Variants in CDH2 observed in about 807,000 individuals in gnomAD.
CDH2 encodes the protein cadherin 2, also known as cadherin-2.
Under a neutral mutation model 92.0 loss-of-function variants are expected in CDH2, and 17 were observed. The observed-to-expected ratio is 0.18, with a 90% confidence interval of 0.13 to 0.28. The LOEUF is 0.28. Among genes scored for constraint, CDH2 ranks in the 10% least tolerant of loss-of-function variants. The probability of loss-of-function intolerance (pLI) is 1.00; values close to 1 mark genes in which losing one functional copy is unlikely to be tolerated. For synonymous variants in CDH2, 419 were observed against 415.9 expected, an observed-to-expected ratio of 1.01 and a Z score of -0.09; for missense variants, 862 against 1,133.1, an observed-to-expected ratio of 0.76 and a Z score of 3.44.
At chr18:28,083,664 A>G (rs915071817) in intron 2 of CDH2, among the ~76,000 whole-genome samples, 1 of 152,116 alleles carries the variant, frequency 6.6e-6, no homozygotes, top group Non-Finnish European at 1.5e-5. Context: ...CCTATACCTT[A>G]CTTAAGTTTG....
chr18:28,094,634 A>C (rs2015094854), intron 2 of CDH2, among the ~76,000 whole-genome samples: 1 of 151,770 alleles, frequency 6.6e-6, no homozygotes, highest in African/African-American at 2.4e-5. Context: ...CTCTACTAAA[A>C]ACACAAAAAA....
intron 2 of CDH2, among the ~76,000 whole-genome samples, chr18:28,034,298 T>C (rs2013772030): frequency 6.6e-6 from 1 of 152,110 alleles, no homozygotes; most frequent in Non-Finnish European, 1.5e-5. Flanking sequence ...CCCGAGTGAA[T>C]ATCACCAGTG....
intron 3 of CDH2, among the ~76,000 whole-genome samples, chr18:28,013,185 C>T (rs1205924271): frequency 6.6e-6 from 1 of 152,270 alleles, no homozygotes; most frequent in East Asian, 1.9e-4. Flanking sequence ...CAGCAGCTTC[C>T]ACCAGAGGGA....
At chr18:27,970,277 C>G (rs759980428) in intron 14 of CDH2, among the ~76,000 whole-genome samples, 4 of 151,890 alleles carry the variant, frequency 2.6e-5, no homozygotes, top group Non-Finnish European at 5.9e-5. Context: ...AAAGTATAGC[C>G]ATCTAAATGC....
chr18:28,000,274 G>GT (rs1371536517), intron 7 of CDH2, among the ~76,000 whole-genome samples: 1 of 152,176 alleles, frequency 6.6e-6, no homozygotes, highest in East Asian at 1.9e-4. Context: ...GCTAATTTTT[G>GT]TATTTTTTGT....
intron 2 of CDH2, among the ~76,000 whole-genome samples, chr18:28,104,927 T>C (rs2015297349): frequency 6.6e-6 from 1 of 152,032 alleles, no homozygotes; most frequent in Admixed American, 6.6e-5. Context: ...ACATGTAAAA[T>C]ATATGTAAAA....
chr18:28,025,526 A>G (rs1567969320), intron 2 of CDH2, among the ~76,000 whole-genome samples: 1 of 149,706 alleles, frequency 6.7e-6, no homozygotes, highest in Non-Finnish European at 1.5e-5. Flanking sequence ...CAGAAAAAAA[A>G]TAATAATAAT....
chr18:28,044,127 G>C (rs1253057177), intron 2 of CDH2, among the ~76,000 whole-genome samples: 1 of 151,858 alleles, frequency 6.6e-6, no homozygotes, highest in South Asian at 2.1e-4. Flanking sequence ...TGGCCAGGCT[G>C]GTCTTTAACT....
chr18:27,949,307 T>C (rs1249539500), downstream of CDH2, among the ~76,000 whole-genome samples: 2 of 152,142 alleles, frequency 1.3e-5, no homozygotes, highest in Admixed American at 1.3e-4. Context: ...ATTTCAGCCA[T>C]ATTTAACTTA....
chr18:28,080,202 G>A (rs1259004105), intron 2 of CDH2, among the ~76,000 whole-genome samples: 1 of 152,136 alleles, frequency 6.6e-6, no homozygotes, highest in African/African-American at 2.4e-5. Context: ...GAGAGAATTA[G>A]CAATAAAGAG....
chr18:28,067,772 T>C (rs1469561262), intron 2 of CDH2, among the ~76,000 whole-genome samples: 2 of 152,154 alleles, frequency 1.3e-5, no homozygotes, highest in Non-Finnish European at 2.9e-5. Context: ...TAATTTACTT[T>C]GTGTTCAAGA....
intron 2 of CDH2, among the ~76,000 whole-genome samples, chr18:28,111,853 GAATA>G (rs1271413371): frequency 1.1e-4 from 17 of 151,944 alleles, no homozygotes; most frequent in African/African-American, 1.4e-4. Flanking sequence ...AACTGAATAA[GAATA>G]AATAACAAGA....
chr18:28,009,684 AT>A, intron 5 of CDH2, 32 bp downstream of exon 5: 1 of 1,606,746 alleles, frequency 6.2e-7, no homozygotes, highest in South Asian at 1.1e-5. Context: ...AGAACTGTTA[AT>A]ACACAGAATT....
chr18:27,960,007 CCTGT>C (rs1029537753), intron 15 of CDH2, among the ~76,000 whole-genome samples: 3 of 118,132 alleles, frequency 2.5e-5, no homozygotes, highest in Non-Finnish European at 5.3e-5. Context: ...AGAGAGAGAC[CCTGT>C]CTCTTAAAAC....
At chr18:28,122,351 T>A (rs929837844) in intron 2 of CDH2, among the ~76,000 whole-genome samples, 27 of 152,188 alleles carry the variant, frequency 1.8e-4, no homozygotes, top group Admixed American at 1.6e-3. Context: ...AGTGTTGTAC[T>A]ATGGTATTTG....
chr18:27,978,570 T>C (rs2011928436), intron 14 of CDH2, among the ~76,000 whole-genome samples: 2 of 149,040 alleles, frequency 1.3e-5, no homozygotes, highest in South Asian at 2.1e-4. Context: ...CTTAATATGA[T>C]AGGTAAAACA....
At chr18:28,140,603 T>C (rs987306348) in intron 2 of CDH2, among the ~76,000 whole-genome samples, 1 of 151,862 alleles carries the variant, frequency 6.6e-6, no homozygotes, top group Admixed American at 6.6e-5. Context: ...AAGCAGGCCC[T>C]CACCAGACAC....
chr18:27,940,793 C>A (rs1419957361), intron 6 of CDH2, among the ~76,000 whole-genome samples: 12 of 152,122 alleles, frequency 7.9e-5, no homozygotes, highest in Non-Finnish European at 7.4e-5. Context: ...GTTTGTCACA[C>A]CATTTAATAA....
At chr18:27,995,181 G>A (rs1051673975) in intron 7 of CDH2, among the ~76,000 whole-genome samples, 3 of 151,968 alleles carry the variant, frequency 2.0e-5, no homozygotes, top group East Asian at 1.9e-4. Context: ...AGGCGTGGTG[G>A]TGGGCGCCTG....
Sources: allele counts gnomAD v4.1 joint callset (sites outside exome capture counted in the v4.1 genomes callset), GRCh38; gene constraint gnomAD v4.1.1; transcripts MANE v1.5; gene names NCBI Gene and HGNC (gene_info 2026-07-23, HGNC 2026-07-21).